The following RNF19B variants were observed in gnomAD, a reference collection of about 807,000 sequenced individuals.
RNF19B encodes the protein E3 ubiquitin-protein ligase RNF19B.
In RNF19B, 23 loss-of-function variants were observed where a neutral mutation model predicts 65.5. The ratio of observed to expected loss-of-function variants is 0.35; its 90% CI spans 0.25 to 0.50. The LOEUF is 0.50. RNF19B is among the 20% of genes least tolerant of loss of function. The pLI, the probability that RNF19B is intolerant of heterozygous loss-of-function variation, is 0.98. For missense variants in RNF19B, 794 were observed against 980.0 expected (o/e 0.81, Z 2.53); for synonymous variants, 372 against 379.6 (o/e 0.98, Z 0.23).
At chr1:32,942,915 C>T (rs1025776388) in intron 6 of RNF19B, among the ~76,000 whole-genome samples, 5 of 151,782 alleles carry the variant, frequency 3.3e-5, no homozygotes, top group East Asian at 1.9e-4. Flanking sequence ...CCGAGGCGGG[C>T]GGATCACGAG....
At chr1:32,942,912 G>A (rs1250880917) in intron 6 of RNF19B, among the ~76,000 whole-genome samples, 6 of 151,938 alleles carry the variant, frequency 3.9e-5, no homozygotes, top group Non-Finnish European at 7.4e-5. Context: ...AGGCCGAGGC[G>A]GGCGGATCAC....
At chr1:32,937,878 CA>C (rs2124104616) in intron 8 of RNF19B, among the ~76,000 whole-genome samples, 1 of 152,076 alleles carries the variant, frequency 6.6e-6, no homozygotes, top group South Asian at 2.1e-4. Context: ...GTCAGAGCCC[CA>C]TGCTAGCTTA....
At chr1:32,952,451 A>C (rs1224925242) in intron 1 of RNF19B, among the ~76,000 whole-genome samples, 2 of 149,140 alleles carry the variant, frequency 1.3e-5, no homozygotes, top group Non-Finnish European at 3.0e-5. Flanking sequence ...AAAAAAAAAA[A>C]AAAAAAAACA....
At chr1:32,956,187 A>G (rs1242886556) in intron 1 of RNF19B, among the ~76,000 whole-genome samples, 1 of 151,846 alleles carries the variant, frequency 6.6e-6, no homozygotes, top group Non-Finnish European at 1.5e-5. Flanking sequence ...CCAACCTGAC[A>G]AAACCCCTCT....
chr1:32,959,144 C>T (rs1642711295), intron 1 of RNF19B, among the ~76,000 whole-genome samples: 2 of 152,138 alleles, frequency 1.3e-5, no homozygotes, highest in African/African-American at 2.4e-5. Flanking sequence ...TGGGATGGTC[C>T]AGTCTAGTTG....
intron 1 of RNF19B, among the ~76,000 whole-genome samples, chr1:32,953,264 A>G (rs963017768): frequency 6.6e-6 from 1 of 151,792 alleles, no homozygotes; most frequent in Non-Finnish European, 1.5e-5. Flanking sequence ...GTGAGCCACC[A>G]AGCTTGGTCT....
In RNF19B at chr1:32,964,369, G is replaced by C; in HGVS notation, c.317C>G (p.Ala106Gly). ...AAEPGFDDEE[A>G]AEGGGPGAEE... ...CGCGCCCGGGCCACCGCCCTCCGCCGCCTCCTCATCGTCGAACCCAGGCTC... is the reference window on the plus strand; with the variant it reads ...CGCGCCCGGGCCACCGCCCTCCGCCCCCTCCTCATCGTCGAACCCAGGCTC... The change falls in exon 1 of 9, where the codon GCG (alanine) becomes GGG (glycine). Residue 106 changes from alanine (A) to glycine (G), a missense_variant. Around this residue, in one of 3 missense-constraint regions of RNF19B, gnomAD observed 374 missense variants for 423.8 expected, o/e 0.88. Transcript: ENST00000235150. The surrounding 1 kb of genome is among the most constrained non-coding windows in gnomAD (Gnocchi z 6.5). 6 of 1,402,034 alleles carry C rather than the reference G, an allele frequency of 4.3e-6. No homozygotes were observed. Among genetic ancestry groups the C allele is most frequent in the Non-Finnish European group, 5.6e-6 (6 of 1,078,992 alleles). The allele number at this position is 1,402,034 out of a possible 1,614,324, so 86.8% of individuals were successfully genotyped here. A position where few individuals can be genotyped will look rare whatever the true frequency, so the allele number is the denominator to read the frequency against.
In RNF19B at chr1:32,949,763, AT is replaced by A; in HGVS notation, c.646del (p.Ile216LeufsTer11). ...CGGGCAGCTGGCACAGCCATAGGCA[AT>A]AACAGCATAACTAGGTAAGGAAACA... ...CPAPDCGYAV[I>X]AYGCASCPKL... On this transcript the variant is annotated frameshift_variant, in exon 2 of 9. Coordinates refer to ENST00000235150, the MANE Select transcript of RNF19B (RefSeq NM_001300826.2). LOFTEE classifies it high-confidence loss of function. 2 of 1,613,664 alleles carry A rather than the reference AT, an allele frequency of 1.2e-6. No homozygotes were observed.
chr1:32,946,620 T>A, intron 3 of RNF19B, 56 bp from the exon 4 acceptor site: 31 of 1,501,504 alleles, frequency 2.1e-5, no homozygotes, highest in Non-Finnish European at 2.8e-5. Context: ...GCTAGTATTA[T>A]CATAGGGCTT....
chr1:32,946,133 T>A (rs564136502), intron 4 of RNF19B, among the ~76,000 whole-genome samples: 55 of 152,354 alleles, frequency 3.6e-4, no homozygotes, highest in African/African-American at 1.3e-3. Context: ...CCCAAAGTGC[T>A]AGGCCACGTA....
intron 8 of RNF19B, among the ~76,000 whole-genome samples, chr1:32,937,956 A>G (rs1464346079): frequency 6.6e-6 from 1 of 152,014 alleles, no homozygotes; most frequent in African/African-American, 2.4e-5. Context: ...AATACCTACT[A>G]GTGGGAGTAC....
At chr1:32,963,207 G>A (rs1484948093) in intron 1 of RNF19B, among the ~76,000 whole-genome samples, 1 of 152,036 alleles carries the variant, frequency 6.6e-6, no homozygotes, top group Non-Finnish European at 1.5e-5. Context: ...CGATAGCGTG[G>A]CACAGAACAC....
intron 8 of RNF19B, 58 bp downstream of exon 8, chr1:32,938,339 A>G: frequency 5.0e-6 from 8 of 1,598,480 alleles, no homozygotes; most frequent in Non-Finnish European, 6.0e-6. Context: ...GAACTTCTGA[A>G]GACCTAGTAC....
At chr1:32,955,052 G>T (rs1284264333) in intron 1 of RNF19B, among the ~76,000 whole-genome samples, 1 of 151,954 alleles carries the variant, frequency 6.6e-6, no homozygotes, top group Non-Finnish European at 1.5e-5. Flanking sequence ...CTACTTCGTG[G>T]GTGTGCACAA....
chr1:32,937,266 A>T lies in RNF19B; in HGVS notation c.1743-7T>A. ...TTCCATATTGTTGCATTCTCTGTGG[A>T]GACAAAATCCACTTTGCTGAGTCAT... is the stretch of plus-strand genomic sequence containing the variant. On this transcript the variant is annotated splice_polypyrimidine_tract_variant and splice_region_variant and intron_variant, in intron 8 of 8. Coordinates refer to ENST00000235150, the MANE Select transcript of RNF19B (RefSeq NM_001300826.2). 2 of 1,613,688 alleles carry T rather than the reference A, an allele frequency of 1.2e-6. No individual in the cohort carries two copies. Among genetic ancestry groups the T allele is most frequent in the Non-Finnish European group, 1.7e-6 (2 of 1,180,026 alleles).
At chr1:32,962,290 T>C (rs1396254469) in intron 1 of RNF19B, among the ~76,000 whole-genome samples, 1 of 152,160 alleles carries the variant, frequency 6.6e-6, no homozygotes. Flanking sequence ...AATATTCGTT[T>C]GGTTAAGAAA....
chr1:32,963,585 G>A (rs1642822419), intron 1 of RNF19B, among the ~76,000 whole-genome samples: 1 of 152,006 alleles, frequency 6.6e-6, no homozygotes, highest in Non-Finnish European at 1.5e-5. Context: ...GGGTGTGGTG[G>A]CGGGCGCCTG....
downstream of RNF19B, among the ~76,000 whole-genome samples, chr1:32,935,112 G>C (rs1570069215): frequency 6.6e-6 from 1 of 151,996 alleles, no homozygotes; most frequent in East Asian, 1.9e-4. Context: ...TTGCAGGTGT[G>C]AACCACTGCG....
rs1403243805 is a variant in RNF19B, at chr1:32,942,445, T to G, written c.1417A>C (p.Arg473=). ...DGPITVADAW[R]ALKNPSIGES... is the part of the protein sequence containing the mutation. The stretch of plus-strand genomic sequence containing the variant: ...CCAATGCTGGGATTCTTGAGGGCTC[T>G]CCAGGCATCTGCCACTGGGGATAGA... Residue 473 remains arginine (R), a synonymous_variant, in exon 7 of 9, where the codon AGA becomes CGA. Transcript: ENST00000235150. The G allele has an allele frequency of 2.5e-6, 4 of 1,613,824 alleles. No individual in the cohort carries two copies. The highest frequency in any genetic ancestry group is 3.4e-6 in the Non-Finnish European group (4 of 1,179,796).
Sources: allele counts gnomAD v4.1 joint callset (sites outside exome capture counted in the v4.1 genomes callset), GRCh38; gene constraint gnomAD v4.1.1; regional missense constraint gnomAD v4.1.1; non-coding constraint Gnocchi (gnomAD v3.1); transcripts MANE v1.5; gene names NCBI Gene and HGNC (gene_info 2026-07-23, HGNC 2026-07-21).